The following MCM10 variants were observed in gnomAD, a reference collection of about 807,000 sequenced individuals.
MCM10 encodes the protein minichromosome maintenance 10 replication initiation factor, also known as protein MCM10 homolog.
Under a neutral mutation model 109.9 loss-of-function variants are expected in MCM10, and 91 were observed. That is an observed-to-expected ratio of 0.83 (90% CI 0.70 to 0.99). The LOEUF (loss-of-function observed/expected upper bound fraction) is 0.99, where lower values mean the gene tolerates loss of function less well. Ranked by LOEUF, MCM10 falls within the 50% of genes least tolerant of loss-of-function variation. The pLI, the probability that MCM10 is intolerant of heterozygous loss-of-function variation, is 0.00. For missense variants in MCM10, 1,077 were observed against 1,061.2 expected, an observed-to-expected ratio of 1.01 and a Z score of -0.21; for synonymous variants, 380 against 387.2, an observed-to-expected ratio of 0.98 and a Z score of 0.22.
intron 6 of MCM10, among the ~76,000 whole-genome samples, chr10:13,180,020 G>A (rs1218232111): frequency 1.3e-5 from 2 of 152,132 alleles, no homozygotes; most frequent in African/African-American, 2.4e-5. Context: ...TTGGGAGGCC[G>A]AGGCGAGCAG....
At chr10:13,201,960 G>A (rs1282426773) in intron 17 of MCM10, 1 of 161,998 alleles carries the variant, frequency 6.2e-6, no homozygotes, top group Non-Finnish European at 1.3e-5. Context: ...GCTCTGTTGA[G>A]TCTCAAGCCA....
In MCM10 at chr10:13,180,561, C is replaced by T. The variant is rs1834197710; in HGVS notation, c.884C>T (p.Thr295Ile). ...REKLEEIDWV[T>I]FGVILKKVTP... is the part of the protein sequence containing the mutation. ...AAGCTGGAAGAAATAGATTGGGTGA[C>T]ATTTGGGGTTATATTGAAGAAGGTT... is the stretch of plus-strand genomic sequence containing the variant. The change falls in exon 7 of 20, where the codon ACA becomes ATA. Residue 295 changes from threonine (T) to isoleucine (I), a missense_variant. By Grantham distance (89) the Thr-to-Ile change is moderately conservative. Coordinates refer to ENST00000378714, the MANE Select transcript of MCM10 (RefSeq NM_018518.5). The T allele has an allele frequency of 6.2e-7, 1 of 1,614,048 alleles. No individual in the cohort carries two copies. The highest frequency in any genetic ancestry group is 8.5e-7 in the Non-Finnish European group (1 of 1,180,014).
In MCM10 at chr10:13,192,312, C is replaced by G; in HGVS notation, c.1574C>G (p.Pro525Arg). Residue 525 changes from proline to arginine, a missense_variant, in exon 12 of 20, where the codon CCG becomes CGG. Coordinates refer to ENST00000378714, the MANE Select transcript of MCM10 (RefSeq NM_018518.5). ...GAGTTCAAGGAACTGATGGACCTGC[C>G]GACGTGTGGAGCCAGGAACTTAAAA... ...SEEFKELMDL[P>R]TCGARNLKQH... 1 of 1,614,120 alleles carries G rather than the reference C, an allele frequency of 6.2e-7. No homozygotes were observed.
At chr10:13,164,892 C>G (rs941298427) in intron 2 of MCM10, among the ~76,000 whole-genome samples, 1 of 151,622 alleles carries the variant, frequency 6.6e-6, no homozygotes, top group Non-Finnish European at 1.5e-5. Context: ...GACCTCATTT[C>G]TATTTTTAAA....
At position 13,198,711 on chromosome 10, in the gene MCM10, C is replaced by G. The variant is rs200026137; in HGVS notation, c.2142C>G (p.Ala714=). The part of the protein sequence containing the change: ...SSQAEDELEP[A]RKKRREQLAY... ...TAGCTGAGGATGAATTGGAGCCTGC[C>G]AGGAAAAAAAGGAGAGAACAACTTG... is the stretch of plus-strand genomic sequence containing the variant. Residue 714 remains alanine, a synonymous_variant, in exon 16 of 20, where the codon GCC becomes GCG. Transcript: ENST00000378714. 14 of 1,612,880 alleles carry G rather than the reference C, an allele frequency of 8.7e-6. No individual in the cohort carries two copies. The highest frequency in any genetic ancestry group is 1.2e-5 in the Non-Finnish European group (14 of 1,179,400).
At chr10:13,204,181 C>G in intron 17 of MCM10, 38 bp from the exon 18 acceptor site, 1 of 1,602,410 alleles carries the variant, frequency 6.2e-7, no homozygotes, top group Non-Finnish European at 8.5e-7. Flanking sequence ...CTCAAAGGCT[C>G]TTCACCGGCG....
intron 6 of MCM10, among the ~76,000 whole-genome samples, chr10:13,178,049 C>A (rs184851862): frequency 6.6e-6 from 1 of 152,106 alleles, no homozygotes; most frequent in Admixed American, 6.5e-5. Context: ...AGAGAGTTTC[C>A]CCAATGTTTT....
intron 9 of MCM10, among the ~76,000 whole-genome samples, chr10:13,187,136 A>T (rs1317313551): frequency 6.6e-6 from 1 of 152,104 alleles, no homozygotes; most frequent in African/African-American, 2.4e-5. Flanking sequence ...ATCACTCCCC[A>T]GTCTCCTCTC....
intron 3 of MCM10, 63 bp downstream of exon 3, chr10:13,171,326 A>G: frequency 7.3e-7 from 1 of 1,378,356 alleles, no homozygotes; most frequent in Non-Finnish European, 9.8e-7. Flanking sequence ...CACCAATCTG[A>G]TAGTTGTCAT....
chr10:13,164,263 C>A lies in MCM10; in HGVS notation c.7+54C>A, dbSNP rs1006593870. ...GTTTCAAGGAAAACTAACCTTTTGTCCATGGACTTGTTATTTATTCTACCT... is the reference window on the plus strand; with the variant it reads ...GTTTCAAGGAAAACTAACCTTTTGTACATGGACTTGTTATTTATTCTACCT... On this transcript the variant is annotated intron_variant, in intron 2 of 19. Transcript: ENST00000378714. 80 of 1,532,600 alleles carry A rather than the reference C, an allele frequency of 5.2e-5. No individual in the cohort carries two copies. The Admixed American group carries it at 1.6e-3, about 31-fold the overall frequency. 94.9% of individuals were successfully genotyped at this position (1,532,600 alleles called of 1,614,324 possible).
rs143108104 is a variant in MCM10, at chr10:13,206,461, ACT to A, written c.2498+2101_2498+2102del. Among the ~76,000 whole-genome samples, 804 of 152,046 alleles carry A rather than the reference ACT, an allele frequency of 5.3e-3. 7 individuals carry two copies. The highest frequency in any genetic ancestry group is 0.019 in the African/African-American group (777 of 41,458). On this transcript the variant is annotated intron_variant, in intron 18 of 19. Coordinates refer to ENST00000378714, the MANE Select transcript of MCM10 (RefSeq NM_018518.5). ...GTTCACTTCCTGGAGTTCATACTTC[ACT>A]CTCACTTCAGATTCTCCAGGGTCGA...
chr10:13,164,273 G>T, intron 2 of MCM10, 64 bp downstream of exon 2: 1 of 1,490,378 alleles, frequency 6.7e-7, no homozygotes, highest in East Asian at 2.4e-5. Flanking sequence ...CCATGGACTT[G>T]TTATTTATTC....
chr10:13,193,395 C>T (rs1176029297), intron 13 of MCM10, among the ~76,000 whole-genome samples: 2 of 151,286 alleles, frequency 1.3e-5, no homozygotes, highest in South Asian at 2.1e-4. Context: ...ATGAGAGCTG[C>T]GGTTCACAGG....
chr10:13,208,520 A>C (rs1834613735), intron 18 of MCM10, among the ~76,000 whole-genome samples: 1 of 149,222 alleles, frequency 6.7e-6, no homozygotes, highest in Non-Finnish European at 1.5e-5. Flanking sequence ...ACTTGTGCCC[A>C]GGAGTTTGAG....
rs1834630201 is a variant in MCM10, at chr10:13,209,481, C to T, written c.*171C>T. The T allele has an allele frequency of 4.9e-6, 3 of 610,590 alleles. No individual in the cohort carries two copies. The highest frequency in any genetic ancestry group is 8.8e-6 in the Non-Finnish European group (3 of 342,612). The allele number at this position is 610,590 out of a possible 1,614,324, so 37.8% of individuals were successfully genotyped here. On this transcript the variant is annotated 3_prime_UTR_variant, in exon 20 of 20. Coordinates refer to ENST00000378714, the MANE Select transcript of MCM10 (RefSeq NM_018518.5). ...TTCTGCCATTGGGTTGGTTTGATACCACATTTAACATTGACATTTAAGTGG... is the reference window on the plus strand; with the variant it reads ...TTCTGCCATTGGGTTGGTTTGATACTACATTTAACATTGACATTTAAGTGG...
intron 5 of MCM10, among the ~76,000 whole-genome samples, chr10:13,174,542 A>C (rs757587402): frequency 1.2e-4 from 19 of 152,232 alleles, no homozygotes; most frequent in Non-Finnish European, 2.4e-4. Context: ...CATTGCATAG[A>C]GAATCAGTAT....
chr10:13,202,498 T>C (rs1465554800), intron 17 of MCM10, among the ~76,000 whole-genome samples: 1 of 152,202 alleles, frequency 6.6e-6, no homozygotes, highest in African/African-American at 2.4e-5. Flanking sequence ...GCTTACCAAG[T>C]GCACTTTTCT....
chr10:13,209,521 A>G lies in MCM10; in HGVS notation c.*211A>G, dbSNP rs1306813907. Reference sequence around the variant, plus strand: ...CATTTAAGTGGAAAACCAAGTTATCATTGTCTTTTCTAAGCTCAGTGTGGA... The same window carrying G: ...CATTTAAGTGGAAAACCAAGTTATCGTTGTCTTTTCTAAGCTCAGTGTGGA... On this transcript the variant is annotated 3_prime_UTR_variant, in exon 20 of 20. Coordinates refer to ENST00000378714, the MANE Select transcript of MCM10 (RefSeq NM_018518.5). 5 of 586,822 alleles carry G rather than the reference A, an allele frequency of 8.5e-6. No homozygotes were observed. Among genetic ancestry groups the G allele is most frequent in the Non-Finnish European group, 1.5e-5 (5 of 329,748 alleles). The allele number at this position is 586,822 out of a possible 1,614,324, so 36.4% of individuals were successfully genotyped here.
chr10:13,172,208 G>A lies in MCM10; in HGVS notation c.350-168G>A, dbSNP rs892643909. 3.3e-5 allele frequency among the ~76,000 whole-genome samples: 5 copies of A among 152,166 alleles called. No homozygotes were observed. The highest frequency in any genetic ancestry group is 1.2e-4 in the African/African-American group (5 of 41,438). On this transcript the variant is annotated intron_variant, in intron 3 of 19. Coordinates refer to ENST00000378714, the MANE Select transcript of MCM10 (RefSeq NM_018518.5). The surrounding 1 kb of genome is among the most constrained non-coding windows in gnomAD (Gnocchi z 5.2). ...AAATAAAATATGTATTTCTCTAAGAGACCTCTTTGAAGTACCAAAGTTAAT... is the reference window on the plus strand; with the variant it reads ...AAATAAAATATGTATTTCTCTAAGAAACCTCTTTGAAGTACCAAAGTTAAT...
Sources: allele counts gnomAD v4.1 joint callset (sites outside exome capture counted in the v4.1 genomes callset), GRCh38; gene constraint gnomAD v4.1.1; non-coding constraint Gnocchi (gnomAD v3.1); transcripts MANE v1.5; gene names NCBI Gene and HGNC (gene_info 2026-07-23, HGNC 2026-07-21).